SMYD3: variants seen among roughly 807,000 people sequenced by gnomAD.
SMYD3 encodes SET and MYND domain containing 3.
A neutral mutation model predicts 57.7 loss-of-function variants in SMYD3; 36 were observed. The ratio of observed to expected loss-of-function variants is 0.62; its 90% CI spans 0.48 to 0.82. The LOEUF (loss-of-function observed/expected upper bound fraction) is 0.82, where lower values mean the gene tolerates loss of function less well. Among genes scored for constraint, SMYD3 ranks in the 40% least tolerant of loss-of-function variants. The pLI, the probability that SMYD3 is intolerant of heterozygous loss-of-function variation, is 0.00. For missense variants in SMYD3, 515 were observed against 538.8 expected (o/e 0.96, Z 0.44); for synonymous variants, 211 against 195.0 (o/e 1.08, Z -0.68).
intron 5 of SMYD3, among the ~76,000 whole-genome samples, chr1:245,940,615 G>A (rs1209086872): frequency 6.6e-6 from 1 of 150,662 alleles, no homozygotes; most frequent in Non-Finnish European, 1.5e-5. Context: ...CACTACCACC[G>A]ACATCATCAT....
chr1:246,328,212 A>AG (rs1320692337), intron 4 of SMYD3, among the ~76,000 whole-genome samples: 1 of 152,096 alleles, frequency 6.6e-6, no homozygotes, highest in Non-Finnish European at 1.5e-5. Flanking sequence ...AAGACAAAAA[A>AG]CAAGATATGA....
chr1:246,382,119 G>C (rs2066397086), intron 1 of SMYD3, among the ~76,000 whole-genome samples: 1 of 147,520 alleles, frequency 6.8e-6, no homozygotes. Flanking sequence ...GACACCTATG[G>C]GATCCAGCCT....
chr1:245,964,678 C>T (rs2058094786), intron 5 of SMYD3, among the ~76,000 whole-genome samples: 1 of 151,964 alleles, frequency 6.6e-6, no homozygotes, highest in Non-Finnish European at 1.5e-5. Flanking sequence ...TTTTAACAGA[C>T]TTGAATAATC....
chr1:245,914,215 G>A (rs1314665688), intron 8 of SMYD3, among the ~76,000 whole-genome samples: 1 of 152,112 alleles, frequency 6.6e-6, no homozygotes, highest in Non-Finnish European at 1.5e-5. Flanking sequence ...AGCATGAGGG[G>A]TTCTCAAAAA....
chr1:246,264,327 C>A (rs2064065127), intron 5 of SMYD3, among the ~76,000 whole-genome samples: 1 of 152,144 alleles, frequency 6.6e-6, no homozygotes, highest in African/African-American at 2.4e-5. Context: ...TAAGCCACAG[C>A]AGTGCTAAAA....
chr1:246,425,684 T>C (rs998804862), intron 1 of SMYD3, among the ~76,000 whole-genome samples: 3 of 152,206 alleles, frequency 2.0e-5, no homozygotes, highest in African/African-American at 7.2e-5. Flanking sequence ...TTGCGGCCTG[T>C]TCATTAGCAT....
intron 5 of SMYD3, among the ~76,000 whole-genome samples, chr1:246,078,650 A>G (rs2060586321): frequency 1.3e-5 from 2 of 152,200 alleles, no homozygotes; most frequent in African/African-American, 4.8e-5. Flanking sequence ...TACTTCCACA[A>G]CTGCAAGCAC....
intron 5 of SMYD3, among the ~76,000 whole-genome samples, chr1:246,197,807 G>T (rs978023905): frequency 6.6e-6 from 1 of 152,184 alleles, no homozygotes; most frequent in African/African-American, 2.4e-5. Flanking sequence ...ACTGGGTACA[G>T]AATATATAGG....
chr1:246,136,951 A>G (rs192961369), intron 5 of SMYD3, among the ~76,000 whole-genome samples: 2 of 152,348 alleles, frequency 1.3e-5, no homozygotes, highest in African/African-American at 4.8e-5. Context: ...TTTTAACTCT[A>G]TTAAATCAGT....
At chr1:245,913,499 C>A in intron 8 of SMYD3, among the ~76,000 whole-genome samples, 1 of 150,278 alleles carries the variant, frequency 6.7e-6, no homozygotes, top group African/African-American at 2.5e-5. Context: ...TGCCCTAGAA[C>A]TTAAACTATA....
chr1:246,471,678 C>T (rs1157453039), intron 1 of SMYD3, among the ~76,000 whole-genome samples: 1 of 152,230 alleles, frequency 6.6e-6, no homozygotes, highest in African/African-American at 2.4e-5. Flanking sequence ...TGGCGCTCTG[C>T]TTACTGTTCC....
At chr1:246,353,425 G>T (rs1460223462) in intron 2 of SMYD3, among the ~76,000 whole-genome samples, 1 of 152,118 alleles carries the variant, frequency 6.6e-6, no homozygotes, top group East Asian at 1.9e-4. Flanking sequence ...AGTGGCTCAG[G>T]AGGCAGAGGC....
intron 1 of SMYD3, among the ~76,000 whole-genome samples, chr1:246,398,691 C>CT (rs1266432325): frequency 1.3e-5 from 2 of 152,120 alleles, no homozygotes; most frequent in Non-Finnish European, 2.9e-5. Context: ...GACACTGGGG[C>CT]TCAGGTTAGT....
At chr1:245,902,168 G>A (rs1483174579) in intron 8 of SMYD3, among the ~76,000 whole-genome samples, 1 of 152,168 alleles carries the variant, frequency 6.6e-6, no homozygotes, top group Non-Finnish European at 1.5e-5. Context: ...GCTGGACCAA[G>A]TGGTACAGCC....
intron 10 of SMYD3, among the ~76,000 whole-genome samples, chr1:245,790,939 A>C (rs1261640868): frequency 1.3e-5 from 2 of 152,198 alleles, no homozygotes; most frequent in East Asian, 3.8e-4. Flanking sequence ...CATTTACCTC[A>C]AAGCCCAGGG....
At chr1:246,397,310 A>C (rs1015702490) in intron 1 of SMYD3, among the ~76,000 whole-genome samples, 10 of 152,096 alleles carry the variant, frequency 6.6e-5, no homozygotes, top group African/African-American at 2.4e-4. Flanking sequence ...AATCATCCCA[A>C]AGCCATCCCC....
At chr1:245,958,111 C>T (rs577102543) in intron 5 of SMYD3, among the ~76,000 whole-genome samples, 4 of 152,118 alleles carry the variant, frequency 2.6e-5, no homozygotes, top group Non-Finnish European at 5.9e-5. Context: ...TTTTTTACCA[C>T]GAAAGTTGGG....
rs75368067 is a variant in SMYD3 at position 245,962,437 on chromosome 1, G to A, written c.532-32500C>T. Among the ~76,000 whole-genome samples, 102 of 152,274 alleles carry A rather than the reference G, an allele frequency of 6.7e-4. 1 individual carries two copies. In the East Asian group the frequency reaches 0.017, roughly 25 times the overall value. On this transcript the variant is annotated intron_variant, in intron 5 of 11. Coordinates refer to ENST00000490107, the MANE Select transcript of SMYD3 (RefSeq NM_001167740.2). ...AAACAAGGACACGGTTGAGATGATC[G>A]CTAAACTCTGCCTGAAGTTCAACGC...
At chr1:246,443,954 C>T (rs78098574) in intron 1 of SMYD3, among the ~76,000 whole-genome samples, 4,268 of 152,112 alleles carry the variant, frequency 0.028, 200 homozygotes, top group African/African-American at 0.097. Context: ...TCCCTATAAA[C>T]CCTCCCTCAC....
Sources: gnomAD v4.1 joint callset for allele counts (sites outside exome capture counted in the v4.1 genomes callset) on GRCh38, gnomAD v4.1.1 for gene constraint, MANE v1.5 for transcripts, NCBI Gene and HGNC (gene_info 2026-07-23, HGNC 2026-07-21) for gene names.